The following CNTN4 variants were observed in gnomAD, a reference collection of about 807,000 sequenced individuals.
The protein encoded by CNTN4 is contactin 4.
CNTN4 carries 77 observed loss-of-function variants against 122.5 expected under a neutral mutation model. The ratio of observed to expected loss-of-function variants is 0.63; its 90% CI spans 0.52 to 0.76. The LOEUF (loss-of-function observed/expected upper bound fraction) is 0.76, where lower values mean the gene tolerates loss of function less well. Among genes scored for constraint, CNTN4 ranks in the 30% least tolerant of loss-of-function variants. The pLI, the probability that CNTN4 is intolerant of heterozygous loss-of-function variation, is 0.00. For synonymous variants in CNTN4, 512 were observed against 447.0 expected (o/e 1.15, Z -1.83); for missense variants, 1,256 against 1,259.1 (o/e 1.00, Z 0.04).
intron 7 of CNTN4, among the ~76,000 whole-genome samples, chr3:2,860,475 C>G (rs1275701491): frequency 6.6e-6 from 1 of 152,168 alleles, no homozygotes; most frequent in African/African-American, 2.4e-5. Context: ...GTTCTCTGGA[C>G]CACAGAATAT....
chr3:2,812,312 A>G lies in CNTN4; in HGVS notation c.359-7174A>G, dbSNP rs544834744. Among the ~76,000 whole-genome samples the G allele has an allele frequency of 4.6e-5, 7 of 152,344 alleles. No individual in the cohort carries two copies. In the South Asian group the frequency reaches 1.5e-3, roughly 32 times the overall value. Reference sequence around the variant, plus strand: ...AGACAAATATCAATTTTACTGTTGTATAGAAACAATATTTTTAAGTAACAC... The same window carrying G: ...AGACAAATATCAATTTTACTGTTGTGTAGAAACAATATTTTTAAGTAACAC... On this transcript the variant is annotated intron_variant, in intron 6 of 24. Transcript: ENST00000418658.
At chr3:2,900,864 C>T (rs201251409) in intron 11 of CNTN4, 43 bp downstream of exon 11, 10 of 1,609,762 alleles carry the variant, frequency 6.2e-6, no homozygotes, top group South Asian at 1.1e-5. Context: ...TTGACTATAA[C>T]GTTTAATATA....
chr3:2,638,206 A>AT (rs1383029327), intron 4 of CNTN4, among the ~76,000 whole-genome samples: 1 of 152,150 alleles, frequency 6.6e-6, no homozygotes, highest in Non-Finnish European at 1.5e-5. Flanking sequence ...ATGGCTTCAG[A>AT]TTCATGACCC....
At chr3:2,629,546 T>C (rs1381209579) in intron 4 of CNTN4, 1 of 453,426 alleles carries the variant, frequency 2.2e-6, no homozygotes, top group East Asian at 7.0e-5. Flanking sequence ...TGACTTCTGG[T>C]CCTTGCTGGG....
chr3:2,211,435 T>C (rs2038610882), intron 2 of CNTN4, among the ~76,000 whole-genome samples: 1 of 152,180 alleles, frequency 6.6e-6, no homozygotes, highest in African/African-American at 2.4e-5. Context: ...AGCAAACTTT[T>C]CCTACCGTAT....
chr3:2,479,312 AT>A lies in CNTN4; in HGVS notation c.-88-92101del, dbSNP rs576747845. Among the ~76,000 whole-genome samples the A allele has an allele frequency of 3.5e-3, 537 of 152,294 alleles. 2 individuals carry two copies. Among genetic ancestry groups the A allele is most frequent in the African/African-American group, 0.012 (485 of 41,554 alleles). ...AACTAAACAAATGAACATTTTTAAAATTTAAATTTAGCTCCTACTGTGAGAA... is the reference window on the plus strand; with the variant it reads ...AACTAAACAAATGAACATTTTTAAAATTAAATTTAGCTCCTACTGTGAGAA... On this transcript the variant is annotated intron_variant, in intron 3 of 24. Transcript: ENST00000418658.
intron 5 of CNTN4, among the ~76,000 whole-genome samples, chr3:2,742,738 T>G (rs1226322645): frequency 6.6e-6 from 1 of 152,134 alleles, no homozygotes; most frequent in Non-Finnish European, 1.5e-5. Flanking sequence ...TGGGAAAATC[T>G]CTATTGGCTC....
At chr3:2,924,323 C>A (rs1218489319) in intron 12 of CNTN4, among the ~76,000 whole-genome samples, 3 of 152,002 alleles carry the variant, frequency 2.0e-5, no homozygotes, top group African/African-American at 4.8e-5. Flanking sequence ...CCCAAGCCCC[C>A]GCATTCACAT....
intron 2 of CNTN4, among the ~76,000 whole-genome samples, chr3:2,221,859 A>C (rs545473236): frequency 3.3e-5 from 5 of 152,142 alleles, no homozygotes; most frequent in Admixed American, 6.5e-5. Flanking sequence ...TGTTACAATT[A>C]CTAGGATGGT....
intron 3 of CNTN4, among the ~76,000 whole-genome samples, chr3:2,531,966 C>A (rs1049148919): frequency 4.6e-5 from 7 of 152,146 alleles, no homozygotes; most frequent in Non-Finnish European, 8.8e-5. Flanking sequence ...TACAACTGAG[C>A]CAGCATTACA....
chr3:2,799,566 G>A (rs9812387), intron 6 of CNTN4, among the ~76,000 whole-genome samples: 7,467 of 151,966 alleles, frequency 0.049, 530 homozygotes, highest in African/African-American at 0.16. Context: ...GGGTTCAAGC[G>A]ATTCTCCTGC....
At chr3:2,182,660 G>A (rs1456382864) in intron 2 of CNTN4, among the ~76,000 whole-genome samples, 2 of 151,922 alleles carry the variant, frequency 1.3e-5, no homozygotes, top group African/African-American at 4.8e-5. Flanking sequence ...AAATGCCATG[G>A]GCTATATGAC....
At chr3:2,785,118 C>T (rs972916578) in intron 6 of CNTN4, among the ~76,000 whole-genome samples, 2 of 98,858 alleles carry the variant, frequency 2.0e-5, no homozygotes, top group Admixed American at 1.1e-4. Flanking sequence ...CATGCGTACA[C>T]ACACACACAC....
chr3:2,765,226 G>C (rs1576705115), intron 6 of CNTN4, among the ~76,000 whole-genome samples: 1 of 152,218 alleles, frequency 6.6e-6, no homozygotes, highest in East Asian at 1.9e-4. Context: ...CAAAGAGATA[G>C]AGGATAGGGT....
At chr3:2,422,819 C>T (rs77191244) in intron 3 of CNTN4, among the ~76,000 whole-genome samples, 1 of 152,286 alleles carries the variant, frequency 6.6e-6, no homozygotes, top group African/African-American at 2.4e-5. Flanking sequence ...TGCTTTATCA[C>T]ATGTAGACAT....
intron 2 of CNTN4, among the ~76,000 whole-genome samples, chr3:2,331,121 T>C (rs2043701732): frequency 6.6e-6 from 1 of 152,234 alleles, no homozygotes; most frequent in Non-Finnish European, 1.5e-5. Flanking sequence ...ATTTCCTGTA[T>C]GGTTTCCCAA....
rs1377439164 is a variant in CNTN4, at chr3:2,572,633, A to G, written c.55+1075A>G. ...TCAAGTCCAAGAGGGACACCTGAAT[A>G]TATTTGCATTTTTACAACATGAAGC... On this transcript the variant is annotated intron_variant, in intron 4 of 24. Transcript: ENST00000418658. Among the ~76,000 whole-genome samples the G allele has an allele frequency of 4.6e-5, 7 of 152,182 alleles. No homozygotes were observed. The East Asian group carries it at 1.2e-3, about 25-fold the overall frequency.
At chr3:2,660,950 A>G (rs2083861295) in intron 4 of CNTN4, among the ~76,000 whole-genome samples, 1 of 152,226 alleles carries the variant, frequency 6.6e-6, no homozygotes, top group Non-Finnish European at 1.5e-5. Flanking sequence ...GCACCCCTCT[A>G]ATTCTGGTAA....
chr3:2,807,161 G>A (rs1006561344), intron 6 of CNTN4, among the ~76,000 whole-genome samples: 1 of 152,126 alleles, frequency 6.6e-6, no homozygotes, highest in Non-Finnish European at 1.5e-5. Context: ...ATCTTCGTTG[G>A]TTCTTAACTA....
Sources: allele counts gnomAD v4.1 joint callset (sites outside exome capture counted in the v4.1 genomes callset), GRCh38; gene constraint gnomAD v4.1.1; transcripts MANE v1.5; gene names NCBI Gene and HGNC (gene_info 2026-07-23, HGNC 2026-07-21).